Variants in INSR observed in about 807,000 individuals in gnomAD.
INSR encodes insulin receptor, also known as IR.
Under a neutral mutation model 142.6 loss-of-function variants are expected in INSR, and 67 were observed. The ratio of observed to expected loss-of-function variants is 0.47; its 90% CI spans 0.39 to 0.58. INSR has a LOEUF of 0.58. Among genes scored for constraint, INSR ranks in the 20% least tolerant of loss-of-function variants. The pLI, the probability that INSR is intolerant of heterozygous loss-of-function variation, is 0.00. For missense variants in INSR, 1,248 were observed against 1,833.2 expected (o/e 0.68, Z 5.83); for synonymous variants, 756 against 743.1 (o/e 1.02, Z -0.28).
chr19:7,264,169 CA>C (rs367805026), intron 2 of INSR, among the ~76,000 whole-genome samples: 2,648 of 117,490 alleles, frequency 0.023, 77 homozygotes, highest in African/African-American at 0.065. Context: ...AACTCCATCT[CA>C]AAAAAAAAAA....
intron 2 of INSR, among the ~76,000 whole-genome samples, chr19:7,239,709 G>A (rs1227913157): frequency 6.6e-6 from 1 of 152,124 alleles, no homozygotes; most frequent in Non-Finnish European, 1.5e-5. Context: ...CCTCCCACTA[G>A]GGGAGCTGGT....
intron 12 of INSR, 79 bp downstream of exon 12, chr19:7,142,737 C>T: frequency 6.5e-7 from 1 of 1,536,252 alleles, no homozygotes; most frequent in Non-Finnish European, 9.0e-7. Context: ...ATATGCACTG[C>T]TTAGAGGGTG....
rs187608515 is a variant in INSR at position 7,154,365 on chromosome 19, C to T, written c.2030-1438G>A. 6.8e-3 allele frequency among the ~76,000 whole-genome samples: 921 copies of T among 136,100 alleles called. 7 individuals are homozygous for T. Among genetic ancestry groups the T allele is most frequent in the African/African-American group, 0.023 (851 of 36,738 alleles). 89.3% of individuals were successfully genotyped at this position (136,100 alleles called of 152,430 possible). ...TTACCCAGGCTGGAGTGCAGTGGCG[C>T]GATCTTGGCTCACTGCAAGCTCCAC... On this transcript the variant is annotated intron_variant, in intron 9 of 21. Transcript: ENST00000302850.
chr19:7,137,745 C>T (rs1972968117), intron 13 of INSR, among the ~76,000 whole-genome samples: 1 of 133,846 alleles, frequency 7.5e-6, no homozygotes, highest in African/African-American at 2.7e-5. Context: ...TGAGACTGCA[C>T]CACTGCACTC....
Position 7,267,862 on chromosome 19 carries a change from A to G in INSR, c.135T>C (p.Thr45=). 1.2e-6 allele frequency: 2 copies of G among 1,614,000 alleles called. No homozygotes were observed. The highest frequency in any genetic ancestry group is 1.7e-6 in the Non-Finnish European group (2 of 1,179,968). ...CPGMDIRNNL[T]RLHELENCSV... The stretch of plus-strand genomic sequence containing the variant: ...AGCAATTCTCCAGCTCATGCAACCT[A>G]GTGAGGTTGTTCCGGATATCCATGC... The change falls in exon 2 of 22, where the codon ACT becomes ACC. Residue 45 remains threonine (T), a synonymous_variant. Transcript: ENST00000302850. This position sits in a 1 kb window ranked among gnomAD's most constrained non-coding sequence, Gnocchi z 6.3.
intron 13 of INSR, among the ~76,000 whole-genome samples, chr19:7,137,023 A>C (rs1450164086): frequency 4.0e-5 from 6 of 151,708 alleles, no homozygotes; most frequent in Admixed American, 3.9e-4. Flanking sequence ...AGTAGATACG[A>C]AGTTTCACCA....
chr19:7,282,592 G>A lies in INSR; in HGVS notation c.100+11200C>T, dbSNP rs556154061. Among the ~76,000 whole-genome samples, 59 of 152,012 alleles carry A rather than the reference G, an allele frequency of 3.9e-4. 1 individual carries two copies. Among genetic ancestry groups the A allele is most frequent in the African/African-American group, 1.4e-3 (58 of 41,462 alleles). On this transcript the variant is annotated intron_variant, in intron 1 of 21. Coordinates refer to ENST00000302850, the MANE Select transcript of INSR (RefSeq NM_000208.4). Reference sequence around the variant, plus strand: ...AGCTACTCAGGAGGCTGAGGCAGGAGAATTGCTTAAACCCTGGAGGCGGAG... The same window carrying A: ...AGCTACTCAGGAGGCTGAGGCAGGAAAATTGCTTAAACCCTGGAGGCGGAG...
At chr19:7,230,936 A>G (rs888425046) in intron 2 of INSR, among the ~76,000 whole-genome samples, 5 of 152,174 alleles carry the variant, frequency 3.3e-5, no homozygotes, top group Admixed American at 3.3e-4. Flanking sequence ...AAGAGAGACT[A>G]TCTAGGGACA....
intron 8 of INSR, among the ~76,000 whole-genome samples, chr19:7,165,388 G>A (rs538207310): frequency 6.6e-5 from 10 of 152,198 alleles, no homozygotes; most frequent in East Asian, 5.8e-4. Context: ...AACAGGCGTC[G>A]AGATGAAACA....
chr19:7,158,368 G>C (rs896698387), intron 9 of INSR, among the ~76,000 whole-genome samples: 3 of 152,062 alleles, frequency 2.0e-5, no homozygotes, highest in South Asian at 2.1e-4. Context: ...GGGCGTGGTG[G>C]CGGGCGCCTG....
chr19:7,252,841 C>T (rs1350687708), intron 2 of INSR, among the ~76,000 whole-genome samples: 3 of 152,080 alleles, frequency 2.0e-5, no homozygotes, highest in East Asian at 3.9e-4. Flanking sequence ...CACAGCCAGG[C>T]GCGGTGGCTC....
intron 2 of INSR, among the ~76,000 whole-genome samples, chr19:7,213,942 A>G (rs1271778838): frequency 2.0e-5 from 3 of 151,390 alleles, no homozygotes; most frequent in Non-Finnish European, 4.4e-5. Context: ...GTGAGCAGAG[A>G]TTGTGCCATT....
At chr19:7,203,001 T>TG (rs1568484372) in intron 2 of INSR, among the ~76,000 whole-genome samples, 97 of 150,936 alleles carry the variant, frequency 6.4e-4, no homozygotes, top group East Asian at 3.9e-3. Context: ...TTGTTGTTTT[T>TG]TTTTTTTTTT....
chr19:7,117,615 T>G (rs1020879788), intron 21 of INSR, among the ~76,000 whole-genome samples: 1 of 152,144 alleles, frequency 6.6e-6, no homozygotes, highest in Non-Finnish European at 1.5e-5. Flanking sequence ...CTTTTCTTCT[T>G]CTTATTTTGG....
intron 15 of INSR, among the ~76,000 whole-genome samples, chr19:7,127,427 T>A (rs1440976172): frequency 6.6e-6 from 1 of 152,172 alleles, no homozygotes; most frequent in Non-Finnish European, 1.5e-5. Flanking sequence ...AAATAAATTA[T>A]CCTAAAAGCA....
chr19:7,281,027 G>C (rs1276996463), intron 1 of INSR, among the ~76,000 whole-genome samples: 1 of 152,184 alleles, frequency 6.6e-6, no homozygotes, highest in Non-Finnish European at 1.5e-5. Flanking sequence ...TGGAATGTCT[G>C]ACTCCTCTAG....
Position 7,152,598 on chromosome 19 carries a change from T to C in INSR, c.2231+128A>G, listed in dbSNP as rs1973401080. 4 of 816,544 alleles carry C rather than the reference T, an allele frequency of 4.9e-6. No individual in the cohort carries two copies. The South Asian group carries it at 5.4e-5, about 11-fold the overall frequency. 50.6% of individuals were successfully genotyped at this position (816,544 alleles called of 1,614,324 possible). On this transcript the variant is annotated intron_variant, in intron 10 of 21. Coordinates refer to ENST00000302850, the MANE Select transcript of INSR (RefSeq NM_000208.4). The stretch of plus-strand genomic sequence containing the variant: ...TCTCTTCCTCCACCCAGGAAAGGGC[T>C]CCATTCAGACTCCACCCACCCTTCT...
In INSR at chr19:7,267,319, C is replaced by T. The variant is rs1177161149; in HGVS notation, c.652+26G>A. 1 of 1,612,334 alleles carries T rather than the reference C, an allele frequency of 6.2e-7. No homozygotes were observed. Among genetic ancestry groups the T allele is most frequent in the Non-Finnish European group, 8.5e-7 (1 of 1,178,774 alleles). On this transcript the variant is annotated intron_variant, in intron 2 of 21. Coordinates refer to ENST00000302850, the MANE Select transcript of INSR (RefSeq NM_000208.4). This position sits in a 1 kb window ranked among gnomAD's most constrained non-coding sequence, Gnocchi z 6.3. The stretch of plus-strand genomic sequence containing the variant: ...TTCTAGAACAAGGCACGAGACACTG[C>T]TTAGAACCCTGTATCCCCGGCGTAC...
intron 1 of INSR, among the ~76,000 whole-genome samples, chr19:7,272,935 C>T (rs143160098): frequency 5.3e-5 from 8 of 152,090 alleles, no homozygotes; most frequent in African/African-American, 1.9e-4. Flanking sequence ...CAAAAAAATC[C>T]GAAAGAGGCA....
Sources: gnomAD v4.1 joint callset for allele counts (sites outside exome capture counted in the v4.1 genomes callset) on GRCh38, gnomAD v4.1.1 for gene constraint, Gnocchi (gnomAD v3.1) non-coding constraint, MANE v1.5 for transcripts, NCBI Gene and HGNC (gene_info 2026-07-23, HGNC 2026-07-21) for gene names.